The following USH2A variants were observed in gnomAD, a reference collection of about 807,000 sequenced individuals.
The protein encoded by USH2A is Usher syndrome 2A (autosomal recessive, mild).
A neutral mutation model predicts 538.9 loss-of-function variants in USH2A; 443 were observed. The ratio of observed to expected loss-of-function variants is 0.82; its 90% CI spans 0.76 to 0.89. The LOEUF is 0.89. Ranked by LOEUF, USH2A falls within the 40% of genes least tolerant of loss-of-function variation. USH2A has a pLI of 0.00. For synonymous variants in USH2A, 2,413 were observed against 2,273.5 expected, an observed-to-expected ratio of 1.06 and a Z score of -1.75; for missense variants, 6,633 against 6,324.8, an observed-to-expected ratio of 1.05 and a Z score of -1.65.
At chr1:216,279,226 C>A (rs1389346209) in intron 11 of USH2A, among the ~76,000 whole-genome samples, 1 of 151,924 alleles carries the variant, frequency 6.6e-6, no homozygotes, top group Non-Finnish European at 1.5e-5. Context: ...TTTTAATTCC[C>A]TTATTTGTTG....
intron 3 of USH2A, among the ~76,000 whole-genome samples, chr1:216,407,380 C>T (rs1486700538): frequency 6.6e-6 from 1 of 151,986 alleles, no homozygotes; most frequent in Non-Finnish European, 1.5e-5. Context: ...TCTATTAAAG[C>T]TTTTCATTCT....
intron 55 of USH2A, among the ~76,000 whole-genome samples, chr1:215,769,992 G>A (rs1337722436): frequency 2.0e-5 from 3 of 152,164 alleles, no homozygotes; most frequent in Admixed American, 2.0e-4. Context: ...GACCATGTGG[G>A]CAAAGGGTAG....
At chr1:216,201,303 T>C (rs1445854816) in intron 16 of USH2A, among the ~76,000 whole-genome samples, 3 of 149,340 alleles carry the variant, frequency 2.0e-5, no homozygotes, top group African/African-American at 7.5e-5. Context: ...ATTCCCAGTC[T>C]TTTTTCTTTT....
At chr1:216,203,235 A>G (rs2035037122) in intron 16 of USH2A, among the ~76,000 whole-genome samples, 1 of 151,780 alleles carries the variant, frequency 6.6e-6, no homozygotes, top group South Asian at 2.1e-4. Context: ...ATATGTATAT[A>G]TATACACATA....
intron 48 of USH2A, among the ~76,000 whole-genome samples, chr1:215,816,490 A>G (rs1346793797): frequency 6.6e-6 from 1 of 152,076 alleles, no homozygotes; most frequent in Non-Finnish European, 1.5e-5. Context: ...ATTATATAAA[A>G]TTCTACCTTC....
rs560491572 is a variant in USH2A at position 216,386,976 on chromosome 1, A to G, written c.652-21891T>C. Reference sequence around the variant, plus strand: ...TCTCAAACTCTAAGAACTTTATCACAGAACAACTTGAAAACTCTTGACAGA... The same window carrying G: ...TCTCAAACTCTAAGAACTTTATCACGGAACAACTTGAAAACTCTTGACAGA... On this transcript the variant is annotated intron_variant, in intron 3 of 71. Transcript: ENST00000307340. 4.6e-5 allele frequency among the ~76,000 whole-genome samples: 7 copies of G among 152,338 alleles called. No individual in the cohort carries two copies. The East Asian group carries it at 1.2e-3, about 25-fold the overall frequency.
At chr1:215,768,931 C>A (rs192904463) in intron 55 of USH2A, among the ~76,000 whole-genome samples, 1 of 152,218 alleles carries the variant, frequency 6.6e-6, no homozygotes, top group Admixed American at 6.5e-5. Context: ...CAATGTTGAA[C>A]AAATATTGCT....
chr1:216,411,655 T>C (rs1046462305), intron 3 of USH2A, among the ~76,000 whole-genome samples: 4 of 152,092 alleles, frequency 2.6e-5, no homozygotes, highest in Non-Finnish European at 5.9e-5. Context: ...TTTTCTGGGT[T>C]CCCGGCCTTG....
chr1:215,809,382 T>A (rs1662595487), intron 49 of USH2A, among the ~76,000 whole-genome samples: 1 of 152,128 alleles, frequency 6.6e-6, no homozygotes, highest in East Asian at 1.9e-4. Flanking sequence ...AAATGTTAAT[T>A]GGTTTAGATA....
In USH2A at chr1:215,648,634, G is replaced by A. The variant is rs1656941830; in HGVS notation, c.14476C>T (p.Pro4826Ser). 2.5e-6 allele frequency: 4 copies of A among 1,614,230 alleles called. No individual in the cohort carries two copies. The East Asian group carries it at 8.9e-5, about 36-fold the overall frequency. Residue 4826 changes from proline to serine, a missense_variant, in exon 66 of 72, where the codon CCT becomes TCT. By Grantham distance (74) the Pro-to-Ser change is moderately conservative. Coordinates refer to ENST00000307340, the MANE Select transcript of USH2A (RefSeq NM_206933.4). ...KGPTAELRTH[P>S]APPSGLSSPQ... ...GAGGACAGTCCTGAGGGTGGGGCAG[G>A]ATGGGTTCTCAGTTCAGCTGTCGGT... is the stretch of plus-strand genomic sequence containing the variant.
At chr1:215,654,994 C>A (rs892983770) in intron 64 of USH2A, among the ~76,000 whole-genome samples, 1 of 152,200 alleles carries the variant, frequency 6.6e-6, no homozygotes, top group Non-Finnish European at 1.5e-5. Flanking sequence ...ATCATTTGTT[C>A]TCTCTTGAAA....
intron 21 of USH2A, among the ~76,000 whole-genome samples, chr1:216,155,119 G>A (rs1050654589): frequency 1.3e-5 from 2 of 152,082 alleles, no homozygotes; most frequent in Admixed American, 6.5e-5. Context: ...CCTTCAAGCT[G>A]TCTTTGGCCA....
At chr1:215,943,177 A>AGG (rs1470893809) in intron 37 of USH2A, among the ~76,000 whole-genome samples, 1 of 152,200 alleles carries the variant, frequency 6.6e-6, no homozygotes, top group South Asian at 2.1e-4. Context: ...GAAAAAAATA[A>AGG]TATATCGAGT....
chr1:215,627,382 T>C (rs1417238488), intron 71 of USH2A, among the ~76,000 whole-genome samples: 1 of 122,970 alleles, frequency 8.1e-6, no homozygotes, highest in Non-Finnish European at 1.7e-5. Context: ...CCTCCCTTCC[T>C]TCTTTCCTTC....
chr1:215,845,131 T>C (rs984554125), intron 45 of USH2A, among the ~76,000 whole-genome samples: 2 of 152,142 alleles, frequency 1.3e-5, no homozygotes, highest in Non-Finnish European at 2.9e-5. Flanking sequence ...TAAGAACCCA[T>C]CTTAACTAGT....
intron 20 of USH2A, among the ~76,000 whole-genome samples, chr1:216,186,653 A>G (rs2034610433): frequency 6.6e-6 from 1 of 151,944 alleles, no homozygotes; most frequent in Non-Finnish European, 1.5e-5. Flanking sequence ...AATCTGCATC[A>G]TTTTTAAGCC....
chr1:215,662,599 G>T (rs907404283), intron 64 of USH2A, among the ~76,000 whole-genome samples: 1 of 152,208 alleles, frequency 6.6e-6, no homozygotes, highest in Non-Finnish European at 1.5e-5. Context: ...AAATGATCAG[G>T]CCCTGGGCCT....
At chr1:215,850,701 G>A (rs1014413177) in intron 44 of USH2A, among the ~76,000 whole-genome samples, 12 of 152,132 alleles carry the variant, frequency 7.9e-5, no homozygotes, top group Admixed American at 7.9e-4. Flanking sequence ...AGACTTAACA[G>A]ATATTTGTAA....
In USH2A at chr1:216,050,910, A is replaced by G. The variant is rs553049829; in HGVS notation, c.6050-2263T>C. Reference sequence around the variant, plus strand: ...GTGAGCCACTGTGCCCGGCCGGCCGACGCTTTGTATCTTTTAAAGATCAGC... The same window carrying G: ...GTGAGCCACTGTGCCCGGCCGGCCGGCGCTTTGTATCTTTTAAAGATCAGC... On this transcript the variant is annotated intron_variant, in intron 30 of 71. Transcript: ENST00000307340. Among the ~76,000 whole-genome samples the G allele has an allele frequency of 5.9e-5, 9 of 151,952 alleles. No homozygotes were observed. The South Asian group carries it at 1.9e-3, about 32-fold the overall frequency.
Sources: gnomAD v4.1 joint callset for allele counts (sites outside exome capture counted in the v4.1 genomes callset) on GRCh38, gnomAD v4.1.1 for gene constraint, MANE v1.5 for transcripts, NCBI Gene and HGNC (gene_info 2026-07-23, HGNC 2026-07-21) for gene names.